CLIP4: variants seen among roughly 807,000 people sequenced by gnomAD.
The protein encoded by CLIP4 is CAP-Gly domain-containing linker protein 4.
A neutral mutation model predicts 73.1 loss-of-function variants in CLIP4; 47 were observed. The observed-to-expected ratio is 0.64, with a 90% confidence interval of 0.51 to 0.82. The LOEUF (loss-of-function observed/expected upper bound fraction) is 0.82. CLIP4 is among the 40% of genes least tolerant of loss of function. CLIP4 has a pLI of 0.00. For missense variants in CLIP4, 874 were observed against 852.9 expected (o/e 1.02, Z -0.31); for synonymous variants, 306 against 295.4 (o/e 1.04, Z -0.37).
Position 29,181,808 on chromosome 2 carries a change from A to C in CLIP4, c.2033A>C (p.Lys678Thr). Residue 678 changes from lysine (K) to threonine (T), a missense_variant, in exon 16 of 16, where the codon AAG becomes ACG. Transcript: ENST00000320081. ...GGTGACAAGCGCTATTTCACCTGTA[A>C]GCCGAACCATGGAGTCTTAGTTCGA... ...SVGDKRYFTC[K>T]PNHGVLVRPS... 1.9e-6 allele frequency: 3 copies of C among 1,614,194 alleles called. 1 individual carries two copies. In the South Asian group the frequency reaches 3.3e-5, roughly 18 times the overall value.
At chr2:29,156,487 A>C (rs758168886) in intron 10 of CLIP4, 44 bp downstream of exon 10, 1 of 1,372,184 alleles carries the variant, frequency 7.3e-7, no homozygotes, top group Non-Finnish European at 1.0e-6. Flanking sequence ...TTAACTTTTG[A>C]TGGAACTTTA....
chr2:29,117,204 A>G (rs748310849), intron 1 of CLIP4, among the ~76,000 whole-genome samples: 1 of 152,294 alleles, frequency 6.6e-6, no homozygotes, highest in Non-Finnish European at 1.5e-5. Context: ...GACCAGAAAC[A>G]TGTTCTTTTT....
At chr2:29,170,646 T>G (rs1046978805) in intron 14 of CLIP4, among the ~76,000 whole-genome samples, 3 of 152,198 alleles carry the variant, frequency 2.0e-5, no homozygotes, top group Non-Finnish European at 4.4e-5. Flanking sequence ...GAATTGTGCT[T>G]TGGTGTTTTA....
At chr2:29,124,521 TA>T (rs1272567492) in intron 2 of CLIP4, among the ~76,000 whole-genome samples, 4 of 152,164 alleles carry the variant, frequency 2.6e-5, no homozygotes, top group African/African-American at 9.7e-5. Context: ...GGAAATCATT[TA>T]AAAAAATTTT....
chr2:29,101,161 A>G (rs566644623), intron 1 of CLIP4, among the ~76,000 whole-genome samples: 1 of 152,008 alleles, frequency 6.6e-6, no homozygotes, highest in African/African-American at 2.4e-5. Flanking sequence ...GTGGTGGTGC[A>G]TGCCTGTAAT....
At chr2:29,131,480 G>T (rs567295356) in intron 3 of CLIP4, 83 bp downstream of exon 3, 3 of 1,415,028 alleles carry the variant, frequency 2.1e-6, no homozygotes, top group Admixed American at 4.9e-5. Flanking sequence ...AAGGAAGATG[G>T]TAATAAAGGA....
At position 29,180,486 on chromosome 2, in the gene CLIP4, C is replaced by T. The variant is rs141338320; in HGVS notation, c.1797-1086C>T. Among the ~76,000 whole-genome samples, 18 of 152,254 alleles carry T rather than the reference C, an allele frequency of 1.2e-4. No individual in the cohort carries two copies. In the East Asian group the frequency reaches 3.3e-3, roughly 28 times the overall value. On this transcript the variant is annotated intron_variant, in intron 15 of 15. Transcript: ENST00000320081. ...AAGGAGAGGCAGCTGCTCAAGGCACCTCAGACCCTCGTTAGTGTTAGTGGC... is the reference window on the plus strand; with the variant it reads ...AAGGAGAGGCAGCTGCTCAAGGCACTTCAGACCCTCGTTAGTGTTAGTGGC...
intron 1 of CLIP4, among the ~76,000 whole-genome samples, chr2:29,121,050 G>A (rs1365236981): frequency 3.3e-5 from 5 of 152,142 alleles, no homozygotes; most frequent in Non-Finnish European, 7.4e-5. Flanking sequence ...GGGTTAATAC[G>A]CCCTTGTTTG....
chr2:29,165,967 CTCT>C (rs151004838), intron 13 of CLIP4, among the ~76,000 whole-genome samples: 89 of 98,634 alleles, frequency 9.0e-4, no homozygotes, highest in Non-Finnish European at 1.5e-3. Flanking sequence ...AAGCAGCCCC[CTCT>C]TCTTCAAAAA....
intron 1 of CLIP4, among the ~76,000 whole-genome samples, chr2:29,104,322 C>G (rs1668139620): frequency 6.6e-6 from 1 of 152,140 alleles, no homozygotes; most frequent in Non-Finnish European, 1.5e-5. Flanking sequence ...GTCACCCAGG[C>G]TGGAGTGCAG....
chr2:29,127,281 C>G (rs1664667954), intron 2 of CLIP4, among the ~76,000 whole-genome samples: 1 of 151,854 alleles, frequency 6.6e-6, no homozygotes, highest in Admixed American at 6.6e-5. Context: ...GTCTAAGAAG[C>G]CAAGCAGAGG....
chr2:29,102,517 C>T (rs973682127), intron 1 of CLIP4, among the ~76,000 whole-genome samples: 2 of 152,144 alleles, frequency 1.3e-5, no homozygotes, highest in Admixed American at 6.5e-5. Flanking sequence ...CCCTGGCTCT[C>T]GTCCCTCTCA....
Position 29,145,292 on chromosome 2 carries a change from GA to G in CLIP4, c.948del (p.Glu316AspfsTer34). On this transcript the variant is annotated frameshift_variant, in exon 8 of 16. Coordinates refer to ENST00000320081, the MANE Select transcript of CLIP4 (RefSeq NM_024692.6). LOFTEE classifies it high-confidence loss of function. ...EFASGQWAGI[E>X]LDEPEGKNNG... ...TGCAAGTGGGCAGTGGGCTGGCATT[GA>G]ACTGGATGAACCAGAAGGAAAAAAT... 4 of 1,613,740 alleles carry G rather than the reference GA, an allele frequency of 2.5e-6. No homozygotes were observed. The highest frequency in any genetic ancestry group is 3.4e-6 in the Non-Finnish European group (4 of 1,179,742).
At chr2:29,164,453 T>C (rs771445456) in intron 13 of CLIP4, among the ~76,000 whole-genome samples, 4 of 152,208 alleles carry the variant, frequency 2.6e-5, no homozygotes. Flanking sequence ...TTTTATATAA[T>C]ATATCTCCTT....
chr2:29,138,692 T>C (rs971082681), intron 6 of CLIP4, among the ~76,000 whole-genome samples: 1 of 152,042 alleles, frequency 6.6e-6, no homozygotes, highest in African/African-American at 2.4e-5. Flanking sequence ...ATTTCATAGT[T>C]ATTGTAGAGA....
chr2:29,168,159 G>A (rs1422937048), intron 14 of CLIP4, among the ~76,000 whole-genome samples: 5 of 152,102 alleles, frequency 3.3e-5, no homozygotes, highest in Non-Finnish European at 7.3e-5. Context: ...AGAAGTCTTT[G>A]CCTATCTGAA....
chr2:29,158,261 AG>A (rs1667065530), intron 11 of CLIP4, among the ~76,000 whole-genome samples: 1 of 152,220 alleles, frequency 6.6e-6, no homozygotes, highest in Non-Finnish European at 1.5e-5. Context: ...GTGCTGACAC[AG>A]CCATCCTGTT....
At chr2:29,180,383 C>G (rs527380859) in intron 15 of CLIP4, among the ~76,000 whole-genome samples, 1 of 152,184 alleles carries the variant, frequency 6.6e-6, no homozygotes, top group African/African-American at 2.4e-5. Flanking sequence ...GAGTCCCATG[C>G]CTCATTATCA....
intron 8 of CLIP4, among the ~76,000 whole-genome samples, chr2:29,151,811 A>T (rs1364057421): frequency 6.6e-6 from 1 of 152,160 alleles, no homozygotes. Context: ...TAGCCAGATT[A>T]TTTCGGTATT....
Sources: gnomAD v4.1 joint callset for allele counts (sites outside exome capture counted in the v4.1 genomes callset) on GRCh38, gnomAD v4.1.1 for gene constraint, MANE v1.5 for transcripts, NCBI Gene and HGNC (gene_info 2026-07-23, HGNC 2026-07-21) for gene names.